The following ADAMTS9 variants were observed in gnomAD, a reference collection of about 807,000 sequenced individuals.
The protein encoded by ADAMTS9 is ADAM metallopeptidase with thrombospondin type 1 motif 9.
ADAMTS9 carries 107 observed loss-of-function variants against 257.1 expected under a neutral mutation model. The ratio of observed to expected loss-of-function variants is 0.42; its 90% CI spans 0.36 to 0.49. The LOEUF is 0.49. Among genes scored for constraint, ADAMTS9 ranks in the 20% least tolerant of loss-of-function variants. The pLI, the probability that ADAMTS9 is intolerant of heterozygous loss-of-function variation, is 0.03. For synonymous variants in ADAMTS9, 982 were observed against 880.9 expected, an observed-to-expected ratio of 1.11 and a Z score of -2.03; for missense variants, 2,353 against 2,469.1, an observed-to-expected ratio of 0.95 and a Z score of 1.00.
At position 64,622,606 on chromosome 3, in the gene ADAMTS9, A is replaced by T. The variant is rs1047285623; in HGVS notation, c.2390-20T>A. 6.2e-7 allele frequency: 1 copy of T among 1,612,418 alleles called. No individual in the cohort carries two copies. The highest frequency in any genetic ancestry group is 2.2e-5 in the East Asian group (1 of 44,832). On this transcript the variant is annotated intron_variant, in intron 16 of 39. Coordinates refer to ENST00000498707, the MANE Select transcript of ADAMTS9 (RefSeq NM_182920.2). ...ATAAAGCTGTAGGTGAAGAAACAGA[A>T]TAATACATTGATCTGCTGTCAATGA...
In ADAMTS9 at chr3:64,639,312, T is replaced by A. The variant is rs867664002; in HGVS notation, c.1856+2536A>T. Among the ~76,000 whole-genome samples, 163 of 89,250 alleles carry A rather than the reference T, an allele frequency of 1.8e-3. 1 individual carries two copies. The highest frequency in any genetic ancestry group is 2.2e-3 in the Non-Finnish European group (111 of 50,524). The allele number at this position is 89,250 out of a possible 152,430, so 58.6% of individuals were successfully genotyped here. A position where few individuals can be genotyped will look rare whatever the true frequency, so the allele number is the denominator to read the frequency against. Reference sequence around the variant, plus strand: ...TGGATTGTTTTTTTTTTTTTTTTTTTAAAAAAAAAAAAAAAAAAACCTCCC... The same window carrying A: ...TGGATTGTTTTTTTTTTTTTTTTTTAAAAAAAAAAAAAAAAAAAACCTCCC... On this transcript the variant is annotated intron_variant, in intron 12 of 39. Coordinates refer to ENST00000498707, the MANE Select transcript of ADAMTS9 (RefSeq NM_182920.2).
At position 64,658,359 on chromosome 3, in the gene ADAMTS9, A is replaced by G; in HGVS notation, c.969+143T>C. The G allele has an allele frequency of 4.6e-6, 4 of 875,238 alleles. 1 individual carries two copies. Among genetic ancestry groups the G allele is most frequent in the South Asian group, 3.7e-5 (2 of 53,894 alleles). The allele number at this position is 875,238 out of a possible 1,614,324, so 54.2% of individuals were successfully genotyped here. A position where few individuals can be genotyped will look rare whatever the true frequency, so the allele number is the denominator to read the frequency against. ...TGTCAGTTTAAAAAGGCAACCAACAAATAATCTTATGTTCTCTTCAGTCAC... is the reference window on the plus strand; with the variant it reads ...TGTCAGTTTAAAAAGGCAACCAACAGATAATCTTATGTTCTCTTCAGTCAC... On this transcript the variant is annotated intron_variant, in intron 4 of 39. Transcript: ENST00000498707.
chr3:64,674,998 A>G (rs919560850), intron 3 of ADAMTS9, among the ~76,000 whole-genome samples: 11 of 152,236 alleles, frequency 7.2e-5, no homozygotes, highest in Non-Finnish European at 2.9e-5. Context: ...GGCACCAAGC[A>G]GCCTTCCTCA....
chr3:64,654,393 A>G lies in ADAMTS9; in HGVS notation c.1276T>C (p.Leu426=), dbSNP rs781615360. ...RSCSISEDSG[L]STAFTIAHEL... ...TGGGCGATCGTAAAAGCTGTACTCA[A>G]TCCACTATCTTCACTAATAGAACAG... Residue 426 remains leucine, a synonymous_variant, in exon 8 of 40, where the codon TTG becomes CTG. Coordinates refer to ENST00000498707, the MANE Select transcript of ADAMTS9 (RefSeq NM_182920.2). The G allele has an allele frequency of 3.1e-6, 5 of 1,614,070 alleles. No individual in the cohort carries two copies. Among genetic ancestry groups the G allele is most frequent in the Non-Finnish European group, 1.7e-6 (2 of 1,180,024 alleles).
chr3:64,571,721 CTTCTT>C (rs2083689445), intron 28 of ADAMTS9, among the ~76,000 whole-genome samples: 2 of 152,152 alleles, frequency 1.3e-5, no homozygotes, highest in African/African-American at 2.4e-5. Flanking sequence ...AGCAAATACT[CTTCTT>C]TTAATGCTTT....
In ADAMTS9 at chr3:64,687,758, G is replaced by T; in HGVS notation, c.-101C>A. 2.2e-6 allele frequency: 2 copies of T among 897,112 alleles called. No homozygotes were observed. Among genetic ancestry groups the T allele is most frequent in the South Asian group, 4.6e-5 (2 of 43,500 alleles). 55.6% of individuals were successfully genotyped at this position (897,112 alleles called of 1,614,324 possible). A position where few individuals can be genotyped will look rare whatever the true frequency, so the allele number is the denominator to read the frequency against. ...GCAGCGGCCGTGGAGAGCGCGCGGAGCCCGGCGCCCGCCGCCAACTTTTGA... is the reference window on the plus strand; with the variant it reads ...GCAGCGGCCGTGGAGAGCGCGCGGATCCCGGCGCCCGCCGCCAACTTTTGA... On this transcript the variant is annotated 5_prime_UTR_variant, in exon 1 of 40. Transcript: ENST00000498707. The surrounding 1 kb of genome is among the most constrained non-coding windows in gnomAD (Gnocchi z 4.4).
intron 3 of ADAMTS9, 55 bp downstream of exon 3, chr3:64,681,146 A>T: frequency 1.3e-6 from 2 of 1,565,390 alleles, no homozygotes; most frequent in South Asian, 1.2e-5. Context: ...TCTGTAGTAT[A>T]GCAATTTACC....
intron 28 of ADAMTS9, chr3:64,583,258 CTTG>C (rs1382687062): frequency 6.6e-6 from 1 of 152,160 alleles, no homozygotes; most frequent in African/African-American, 2.4e-5. Flanking sequence ...AGTGATGGTG[CTTG>C]TTGATTTGCA....
At chr3:64,555,578 T>G (rs34634062) in intron 30 of ADAMTS9, among the ~76,000 whole-genome samples, 61,112 of 136,624 alleles carry the variant, frequency 0.45, 12,894 homozygotes, top group East Asian at 0.67. Context: ...GGGCTACCTG[T>G]GCAGTTGTGT....
intron 16 of ADAMTS9, among the ~76,000 whole-genome samples, chr3:64,631,149 G>C (rs1700359001): frequency 6.6e-6 from 1 of 152,184 alleles, no homozygotes; most frequent in Non-Finnish European, 1.5e-5. Context: ...CTCAATGAGA[G>C]CAAGGATTTT....
chr3:64,613,790 T>C (rs759613876), intron 21 of ADAMTS9, among the ~76,000 whole-genome samples: 1 of 152,162 alleles, frequency 6.6e-6, no homozygotes, highest in Non-Finnish European at 1.5e-5. Context: ...TTTTATAGCA[T>C]AGGAGTTAAG....
intron 28 of ADAMTS9, chr3:64,589,921 C>A (rs2084229422): frequency 1.3e-5 from 2 of 152,144 alleles, no homozygotes; most frequent in Admixed American, 6.5e-5. Context: ...TTACAGTTAT[C>A]TGAACACACA....
intron 22 of ADAMTS9, among the ~76,000 whole-genome samples, chr3:64,612,975 C>T (rs541907927): frequency 4.6e-5 from 7 of 152,256 alleles, no homozygotes; most frequent in African/African-American, 1.4e-4. Flanking sequence ...CATTCCAGAC[C>T]TTCCTGCCAG....
At chr3:64,519,573 A>G (rs1409924009) in intron 39 of ADAMTS9, among the ~76,000 whole-genome samples, 1 of 152,222 alleles carries the variant, frequency 6.6e-6, no homozygotes, top group African/African-American at 2.4e-5. Flanking sequence ...AACTGAATCC[A>G]GCAACATACC....
At chr3:64,579,592 C>T (rs2106735784) in intron 28 of ADAMTS9, among the ~76,000 whole-genome samples, 1 of 152,098 alleles carries the variant, frequency 6.6e-6, no homozygotes, top group Non-Finnish European at 1.5e-5. Context: ...TTTTTCACTC[C>T]TATATCCAAA....
intron 28 of ADAMTS9, among the ~76,000 whole-genome samples, chr3:64,569,976 C>A (rs187883978): frequency 2.8e-4 from 43 of 152,226 alleles, no homozygotes; most frequent in African/African-American, 1.0e-3. Context: ...TTCTAGAAGG[C>A]TTTTAGAATG....
chr3:64,582,421 G>T (rs528846311), intron 28 of ADAMTS9: 1 of 152,306 alleles, frequency 6.6e-6, no homozygotes, highest in Admixed American at 6.5e-5. Context: ...GGAAGGGAAT[G>T]ATTTTATAAC....
Position 64,616,003 on chromosome 3 carries a change from C to G in ADAMTS9, c.2981G>C (p.Gly994Ala). 1 of 1,613,920 alleles carries G rather than the reference C, an allele frequency of 6.2e-7. No homozygotes were observed. Among genetic ancestry groups the G allele is most frequent in the East Asian group, 2.2e-5 (1 of 44,880 alleles). ...GCGCCAGCCACCCGTGTTACATTCC[C>G]CTGAGCATTTTTCACGGTTGCTTGG... is the stretch of plus-strand genomic sequence containing the variant. ...PKPSNREKCS[G>A]ECNTGGWRYS... The change falls in exon 20 of 40, where the codon GGG becomes GCG. Residue 994 changes from glycine to alanine, a missense_variant. Gly to Ala is a moderately conservative substitution (Grantham distance 60). Around this residue, in one of 3 missense-constraint regions of ADAMTS9, gnomAD observed 1,402 missense variants for 1,441.4 expected, o/e 0.97. Coordinates refer to ENST00000498707, the MANE Select transcript of ADAMTS9 (RefSeq NM_182920.2).
Position 64,604,033 on chromosome 3 carries a change from C to T in ADAMTS9, c.3636G>A (p.Glu1212=). Residue 1212 remains glutamate, a synonymous_variant, in exon 25 of 40, where the codon GAG becomes GAA. Coordinates refer to ENST00000498707, the MANE Select transcript of ADAMTS9 (RefSeq NM_182920.2). The part of the protein sequence containing the change: ...TRMRYVSCRD[E]NGSVADESAC... Reference sequence around the variant, plus strand: ...CACTCTCGTCAGCCACAGAGCCATTCTCATCTCGGCAGCTGACGTATCTCA... The same window carrying T: ...CACTCTCGTCAGCCACAGAGCCATTTTCATCTCGGCAGCTGACGTATCTCA... 1 of 1,614,136 alleles carries T rather than the reference C, an allele frequency of 6.2e-7. No homozygotes were observed. Among genetic ancestry groups the T allele is most frequent in the Non-Finnish European group, 8.5e-7 (1 of 1,180,002 alleles).
Sources: allele counts gnomAD v4.1 joint callset (sites outside exome capture counted in the v4.1 genomes callset), GRCh38; gene constraint gnomAD v4.1.1; regional missense constraint gnomAD v4.1.1; non-coding constraint Gnocchi (gnomAD v3.1); transcripts MANE v1.5; gene names NCBI Gene and HGNC (gene_info 2026-07-23, HGNC 2026-07-21).